MR1: variants seen among roughly 807,000 people sequenced by gnomAD.
The protein encoded by MR1 is major histocompatibility complex class I-related protein 1.
A neutral mutation model predicts 37.8 loss-of-function variants in MR1; 44 were observed. That is an observed-to-expected ratio of 1.16 (90% CI 0.91 to 1.50). The LOEUF (loss-of-function observed/expected upper bound fraction) is 1.50. MR1 is among the 40% of genes most tolerant of loss of function. The probability of loss-of-function intolerance (pLI) is 0.00; values close to 1 mark genes in which losing one functional copy is unlikely to be tolerated. For missense variants in MR1, 386 were observed against 419.1 expected, an observed-to-expected ratio of 0.92 and a Z score of 0.69; for synonymous variants, 153 against 155.8, an observed-to-expected ratio of 0.98 and a Z score of 0.13.
chr1:181,034,094 T>C lies in MR1; in HGVS notation c.67+20T>C. The C allele has an allele frequency of 1.2e-6, 2 of 1,607,710 alleles. No homozygotes were observed. Among genetic ancestry groups the C allele is most frequent in the East Asian group, 2.2e-5 (1 of 44,764 alleles). On this transcript the variant is annotated intron_variant, in intron 1 of 5. Coordinates refer to ENST00000367580, the MANE Select transcript of MR1 (RefSeq NM_001385161.1). ...ATTCCCGTGAGTATCCCACGTCCTC[T>C]TCTCTCCTAACTCCAAAGTCGAGGC...
Position 181,055,090 on chromosome 1 carries a change from T to G in MR1, c.986-135T>G, listed in dbSNP as rs1426717920. The G allele has an allele frequency of 1.1e-5, 8 of 758,464 alleles. No individual in the cohort carries two copies. The East Asian group carries it at 2.0e-4, about 19-fold the overall frequency. The allele number at this position is 758,464 out of a possible 1,614,324, so 47.0% of individuals were successfully genotyped here. On this transcript the variant is annotated intron_variant, in intron 5 of 5. Transcript: ENST00000367580. Reference sequence around the variant, plus strand: ...CAAATTTGAGCTAAAGTTTGTCAAGTACTAAGAGAATCTTGACAAAGCAAG... The same window carrying G: ...CAAATTTGAGCTAAAGTTTGTCAAGGACTAAGAGAATCTTGACAAAGCAAG...
rs1045433142 is a variant in MR1, at chr1:181,058,230, C to G, written c.*2965C>G. 1 of 151,708 alleles carries G rather than the reference C, an allele frequency of 6.6e-6. No individual in the cohort carries two copies. The highest frequency in any genetic ancestry group is 6.6e-5 in the Admixed American group (1 of 15,228). 9.4% of individuals were successfully genotyped at this position (151,708 alleles called of 1,614,324 possible). A position where few individuals can be genotyped will look rare whatever the true frequency, so the allele number is the denominator to read the frequency against. ...ACAAATAACTGTGCTATTGCCACAG[C>G]TATGTTTTGGCTTTGAATTTTCTTT... On this transcript the variant is annotated 3_prime_UTR_variant, in exon 6 of 6. Coordinates refer to ENST00000367580, the MANE Select transcript of MR1 (RefSeq NM_001385161.1).
chr1:181,049,148 T>C lies in MR1; in HGVS notation c.164T>C (p.Ile55Thr), dbSNP rs773018886. ...GTTGGGTACGTGGACTCGCACCCTATCACCACATATGACAGTGTCACTCGG... is the reference window on the plus strand; with the variant it reads ...GTTGGGTACGTGGACTCGCACCCTACCACCACATATGACAGTGTCACTCGG... ...ISVGYVDSHPITTYDSVTRQK... is the reference protein window; with the variant it reads ...ISVGYVDSHPTTTYDSVTRQK... Residue 55 changes from isoleucine (I) to threonine (T), a missense_variant, in exon 2 of 6, where the codon ATC becomes ACC. Transcript: ENST00000367580. The C allele has an allele frequency of 6.2e-7, 1 of 1,614,198 alleles. No individual in the cohort carries two copies. Among genetic ancestry groups the C allele is most frequent in the South Asian group, 1.1e-5 (1 of 91,090 alleles).
chr1:181,034,121 G>C (rs1330594100), intron 1 of MR1, 47 bp downstream of exon 1: 1 of 1,560,520 alleles, frequency 6.4e-7, no homozygotes, highest in Non-Finnish European at 8.7e-7. Context: ...AGTCGAGGCA[G>C]CCTAGAAGGC....
At chr1:181,039,141 T>A (rs146040084) in intron 1 of MR1, among the ~76,000 whole-genome samples, 1 of 152,240 alleles carries the variant, frequency 6.6e-6, no homozygotes, top group Non-Finnish European at 1.5e-5. Context: ...GTTGGAATTA[T>A]AAGACCTACC....
At chr1:181,045,841 C>CGCGA (rs1657824588) in intron 1 of MR1, among the ~76,000 whole-genome samples, 2 of 152,208 alleles carry the variant, frequency 1.3e-5, no homozygotes, top group African/African-American at 4.8e-5. Context: ...GAGGGAGAGG[C>CGCGA]GCGAGCGGGA....
At position 181,035,055 on chromosome 1, in the gene MR1, C is replaced by T. The variant is rs141039001; in HGVS notation, c.67+981C>T. ...GTGGCTCACACCTGTAATCCTAGCACGTTGAGAGGCCGAGGCAGACGGATC... is the reference window on the plus strand; with the variant it reads ...GTGGCTCACACCTGTAATCCTAGCATGTTGAGAGGCCGAGGCAGACGGATC... On this transcript the variant is annotated intron_variant, in intron 1 of 5. Transcript: ENST00000367580. Among the ~76,000 whole-genome samples the T allele has an allele frequency of 9.6e-3, 1,467 of 152,124 alleles. 26 individuals are homozygous for T. The highest frequency in any genetic ancestry group is 0.034 in the African/African-American group (1,392 of 41,476).
Position 181,050,210 on chromosome 1 carries a change from G to T in MR1, c.528G>T (p.Lys176Asn), listed in dbSNP as rs1207482715. The part of the protein sequence containing the change: ...EANQHELLYQ[K>N]NWLEEECIAW... ...ATCAGCATGAGTTGCTGTATCAAAA[G>T]AATTGGCTGGAAGAAGAATGTATTG... is the stretch of plus-strand genomic sequence containing the variant. Residue 176 changes from lysine to asparagine, a missense_variant, in exon 3 of 6, where the codon AAG becomes AAT. Transcript: ENST00000367580. 1.2e-6 allele frequency: 2 copies of T among 1,614,248 alleles called. No homozygotes were observed. The highest frequency in any genetic ancestry group is 1.3e-5 in the African/African-American group (1 of 75,066).
intron 1 of MR1, among the ~76,000 whole-genome samples, chr1:181,040,263 G>A (rs1370455777): frequency 6.6e-6 from 1 of 152,270 alleles, no homozygotes; most frequent in East Asian, 1.9e-4. Context: ...TTATTAGGGC[G>A]AGAAAAGAGA....
chr1:181,053,449 G>A (rs1658433612), intron 4 of MR1, 124 bp from the exon 5 acceptor site: 1 of 670,008 alleles, frequency 1.5e-6, no homozygotes, highest in Admixed American at 2.5e-5. Context: ...AGATTGATGA[G>A]TGAGAAGCAA....
chr1:181,050,503 G>T (rs192610303), intron 3 of MR1: 8 of 581,292 alleles, frequency 1.4e-5, no homozygotes, highest in Non-Finnish European at 2.4e-5. Context: ...TGACAGAGTG[G>T]AGTACCTCCA....
intron 4 of MR1, 77 bp downstream of exon 4, chr1:181,052,587 G>A: frequency 1.3e-6 from 2 of 1,484,088 alleles, no homozygotes; most frequent in Non-Finnish European, 1.8e-6. Flanking sequence ...TCGCTGCCAG[G>A]GAGGGGAGGA....
chr1:181,048,536 A>G (rs1400674687), intron 1 of MR1, among the ~76,000 whole-genome samples: 2 of 148,432 alleles, frequency 1.3e-5, no homozygotes, highest in Non-Finnish European at 3.0e-5. Flanking sequence ...CTCCATCTCA[A>G]AAAAAAAAAA....
intron 1 of MR1, 99 bp downstream of exon 1, chr1:181,034,173 C>T (rs1376442594): frequency 8.6e-7 from 1 of 1,158,340 alleles, no homozygotes; most frequent in Non-Finnish European, 1.2e-6. Context: ...AATATAGAAG[C>T]CAGGGGCAGA....
chr1:181,033,900 T>A, upstream of MR1: 1 of 793,374 alleles, frequency 1.3e-6, no homozygotes, highest in Non-Finnish European at 2.0e-6. Context: ...CTGATGACAC[T>A]GCATATCTTC....
In MR1 at chr1:181,034,079, G is replaced by A; in HGVS notation, c.67+5G>A. 3 of 1,612,236 alleles carry A rather than the reference G, an allele frequency of 1.9e-6. No homozygotes were observed. The highest frequency in any genetic ancestry group is 1.3e-5 in the African/African-American group (1 of 74,906). On this transcript the variant is annotated splice_donor_5th_base_variant and intron_variant, in intron 1 of 5. Coordinates refer to ENST00000367580, the MANE Select transcript of MR1 (RefSeq NM_001385161.1). ...TGGTGAAGCACAGCGATTCCCGTGA[G>A]TATCCCACGTCCTCTTCTCTCCTAA...
intron 1 of MR1, among the ~76,000 whole-genome samples, chr1:181,041,417 G>A (rs1418112497): frequency 6.6e-6 from 1 of 152,142 alleles, no homozygotes; most frequent in Non-Finnish European, 1.5e-5. Context: ...GATTCCAGGG[G>A]ATGTTCTACA....
chr1:181,036,901 C>T (rs576878657), intron 1 of MR1: 8 of 152,292 alleles, frequency 5.3e-5, no homozygotes, highest in East Asian at 1.9e-4. Flanking sequence ...GCAGTAATAA[C>T]GACTGCAAAT....
intron 3 of MR1, among the ~76,000 whole-genome samples, chr1:181,051,471 C>T (rs1367464429): frequency 6.6e-6 from 1 of 151,928 alleles, no homozygotes. Context: ...ATTGGGTTGG[C>T]CGATGATAAG....
Sources: allele counts gnomAD v4.1 joint callset (sites outside exome capture counted in the v4.1 genomes callset), GRCh38; gene constraint gnomAD v4.1.1; transcripts MANE v1.5; gene names NCBI Gene and HGNC (gene_info 2026-07-23, HGNC 2026-07-21).